YAF2: variants seen among roughly 807,000 people sequenced by gnomAD.
YAF2 encodes YY1-associated factor 2.
In YAF2, 7 loss-of-function variants were observed where a neutral mutation model predicts 20.1. The observed-to-expected ratio is 0.35, with a 90% CI of 0.20 to 0.65. The LOEUF is 0.65. Among genes scored for constraint, YAF2 ranks in the 30% least tolerant of loss-of-function variants. The pLI, the probability that YAF2 is intolerant of heterozygous loss-of-function variation, is 0.69. For missense variants in YAF2, 151 were observed against 219.2 expected, an observed-to-expected ratio of 0.69 and a Z score of 1.96; for synonymous variants, 74 against 76.0, an observed-to-expected ratio of 0.97 and a Z score of 0.14.
intron 2 of YAF2, among the ~76,000 whole-genome samples, chr12:42,230,469 A>C (rs1419466686): frequency 6.6e-6 from 1 of 152,146 alleles, no homozygotes; most frequent in Admixed American, 6.5e-5. Context: ...AGCCACTAAT[A>C]GGACTCAATT....
chr12:42,218,185 A>AACACACACACACACACACACACAC (rs71883885), intron 2 of YAF2, among the ~76,000 whole-genome samples: 2 of 140,608 alleles, frequency 1.4e-5, no homozygotes, highest in Non-Finnish European at 3.1e-5. Flanking sequence ...GCTACTAGGA[A>AACACACACACACACACACACACAC]ACACACACAC....
chr12:42,223,355 C>CAT (rs1555164057), intron 2 of YAF2, among the ~76,000 whole-genome samples: 21 of 149,938 alleles, frequency 1.4e-4, no homozygotes, highest in African/African-American at 4.5e-4. Context: ...CACACACACA[C>CAT]ATATATATAC....
At chr12:42,217,825 G>A (rs1012865534) in intron 2 of YAF2, among the ~76,000 whole-genome samples, 1 of 152,070 alleles carries the variant, frequency 6.6e-6, no homozygotes, top group Non-Finnish European at 1.5e-5. Context: ...GTAATTGAGA[G>A]GGCATTCACT....
chr12:42,233,636 T>C (rs1027016963), intron 2 of YAF2: 25 of 621,946 alleles, frequency 4.0e-5, no homozygotes, highest in Non-Finnish European at 4.6e-5. Context: ...TTCAGCCTCC[T>C]GAGTAGCTGG....
At chr12:42,198,462 T>G (rs1220226170) in intron 2 of YAF2, among the ~76,000 whole-genome samples, 2 of 152,168 alleles carry the variant, frequency 1.3e-5, no homozygotes, top group East Asian at 3.8e-4. Context: ...GGCTGACACC[T>G]GTAATCCCAG....
intron 2 of YAF2, chr12:42,199,634 A>T (rs712125): frequency 0.7 from 106,567 of 152,848 alleles, 38,235 homozygotes; most frequent in African/African-American, 0.86. Flanking sequence ...TATGGTCCTA[A>T]CAGGAAACTT....
chr12:42,211,914 T>G (rs2067224042), intron 2 of YAF2, among the ~76,000 whole-genome samples: 1 of 151,902 alleles, frequency 6.6e-6, no homozygotes, highest in Non-Finnish European at 1.5e-5. Context: ...CCGGGTGTAG[T>G]GGCAGGTGCC....
intron 2 of YAF2, among the ~76,000 whole-genome samples, chr12:42,193,404 A>G (rs867274763): frequency 6.6e-6 from 1 of 151,846 alleles, no homozygotes; most frequent in Non-Finnish European, 1.5e-5. Context: ...TAGTTTATGT[A>G]TTTACTATAT....
At chr12:42,232,598 G>A (rs1340041383) in intron 2 of YAF2, 1 of 985,278 alleles carries the variant, frequency 1.0e-6, no homozygotes, top group East Asian at 1.1e-4. Flanking sequence ...GGCGGCTCAG[G>A]AACCATGCAT....
intron 2 of YAF2, chr12:42,234,955 C>A: frequency 3.1e-6 from 3 of 977,448 alleles, no homozygotes; most frequent in Non-Finnish European, 3.6e-6. Context: ...GCCACTGCAA[C>A]CCAGCCTGGG....
chr12:42,228,740 A>T (rs1592059730), intron 2 of YAF2, among the ~76,000 whole-genome samples: 4 of 63,068 alleles, frequency 6.3e-5, no homozygotes, highest in Admixed American at 2.4e-4. Flanking sequence ...CCTACTGGGA[A>T]GTGAGGAGCC....
At chr12:42,178,556 T>A (rs555329675) in intron 2 of YAF2, among the ~76,000 whole-genome samples, 2 of 152,290 alleles carry the variant, frequency 1.3e-5, no homozygotes, top group South Asian at 2.1e-4. Context: ...CTATGACAAA[T>A]AATCATTATA....
At chr12:42,227,652 C>T (rs545867933) in intron 2 of YAF2, among the ~76,000 whole-genome samples, 3,481 of 149,998 alleles carry the variant, frequency 0.023, 131 homozygotes, top group African/African-American at 0.082. Flanking sequence ...GCAGCTGCCC[C>T]GTCTGAGAAG....
At chr12:42,235,906 A>G (rs2068136735) in intron 2 of YAF2, 1 of 1,535,870 alleles carries the variant, frequency 6.5e-7, no homozygotes, top group Non-Finnish European at 8.7e-7. Context: ...TTCTCTTCTG[A>G]GCTGCCACCA....
At chr12:42,168,067 CATA>C (rs1311976583) in intron 2 of YAF2, among the ~76,000 whole-genome samples, 7 of 151,922 alleles carry the variant, frequency 4.6e-5, no homozygotes, top group South Asian at 2.1e-4. Context: ...ATCTTGATGG[CATA>C]ATATTTTTAA....
chr12:42,170,289 C>T (rs77155289), intron 2 of YAF2, among the ~76,000 whole-genome samples: 1 of 152,160 alleles, frequency 6.6e-6, no homozygotes, highest in Admixed American at 6.5e-5. Context: ...AAGCTCAGAG[C>T]CTGATAGGCA....
intron 1 of YAF2, 73 bp downstream of exon 1, chr12:42,238,082 G>C: frequency 1.4e-5 from 18 of 1,278,482 alleles, no homozygotes; most frequent in Non-Finnish European, 1.8e-5. Flanking sequence ...GGCTAGCGAG[G>C]CGGCCACCCG....
chr12:42,175,424 ATG>A (rs1438666745), intron 2 of YAF2, among the ~76,000 whole-genome samples: 1 of 152,014 alleles, frequency 6.6e-6, no homozygotes, highest in Non-Finnish European at 1.5e-5. Context: ...AAAATAATGG[ATG>A]TGTGTCTGCT....
intron 2 of YAF2, among the ~76,000 whole-genome samples, chr12:42,192,369 C>T (rs1160267435): frequency 6.6e-6 from 1 of 152,060 alleles, no homozygotes; most frequent in Non-Finnish European, 1.5e-5. Flanking sequence ...ATTAGTTGGG[C>T]ATGGTGGCAC....
Sources: gnomAD v4.1 joint callset for allele counts (sites outside exome capture counted in the v4.1 genomes callset) on GRCh38, gnomAD v4.1.1 for gene constraint, MANE v1.5 for transcripts, NCBI Gene and HGNC (gene_info 2026-07-23, HGNC 2026-07-21) for gene names.